Variants in NPAS2 observed in about 807,000 individuals in gnomAD.
NPAS2 encodes neuronal PAS domain protein 2, also known as neuronal PAS domain-containing protein 2.
NPAS2 carries 23 observed loss-of-function variants against 107.5 expected under a neutral mutation model. The ratio of observed to expected loss-of-function variants is 0.21; its 90% CI spans 0.15 to 0.30. The LOEUF (loss-of-function observed/expected upper bound fraction) is 0.30. NPAS2 is among the 10% of genes least tolerant of loss of function. The probability of loss-of-function intolerance (pLI) is 1.00; values close to 1 mark genes in which losing one functional copy is unlikely to be tolerated. For synonymous variants in NPAS2, 403 were observed against 417.5 expected (o/e 0.97, Z 0.42); for missense variants, 756 against 1,043.3 (o/e 0.72, Z 3.79).
chr2:100,966,260 G>A (rs781732619), intron 10 of NPAS2, among the ~76,000 whole-genome samples: 3 of 152,060 alleles, frequency 2.0e-5, no homozygotes, highest in Non-Finnish European at 2.9e-5. Context: ...GGATGTGGTC[G>A]GTGCATTGAA....
intron 1 of NPAS2, among the ~76,000 whole-genome samples, chr2:100,875,814 AT>A (rs555398356): frequency 6.8e-4 from 103 of 152,288 alleles, no homozygotes; most frequent in South Asian, 1.2e-3. Flanking sequence ...TCCCAGGGTT[AT>A]TTTTCCCTTG....
intron 2 of NPAS2, among the ~76,000 whole-genome samples, chr2:100,921,423 C>T (rs1423729539): frequency 1.3e-5 from 2 of 152,136 alleles, no homozygotes; most frequent in Admixed American, 1.3e-4. Flanking sequence ...CCCAAGATGC[C>T]CGATGATGGA....
At chr2:100,836,969 A>G (rs1677109595) in intron 1 of NPAS2, among the ~76,000 whole-genome samples, 1 of 152,230 alleles carries the variant, frequency 6.6e-6, no homozygotes, top group African/African-American at 2.4e-5. Flanking sequence ...ACTAAAACCA[A>G]GAATACCTTT....
intron 16 of NPAS2, 29 bp downstream of exon 16, chr2:100,982,406 C>T (rs772258842): frequency 6.2e-7 from 1 of 1,610,638 alleles, no homozygotes. Flanking sequence ...TGGCCTCTGT[C>T]CCTGCTGCTG....
intron 1 of NPAS2, among the ~76,000 whole-genome samples, chr2:100,834,513 C>T (rs1022236193): frequency 1.3e-5 from 2 of 152,108 alleles, no homozygotes; most frequent in African/African-American, 4.8e-5. Context: ...AGACTGAACG[C>T]ACAGAGCTCA....
rs143298603 is a variant in NPAS2, at chr2:100,960,360, C to T, written c.599-3698C>T. ...GGTGGATCACCTGAGGTCAGGAGTT[C>T]GAGACCAGCCTTGCCAACATGGTGA... On this transcript the variant is annotated intron_variant, in intron 7 of 20. Transcript: ENST00000335681. Among the ~76,000 whole-genome samples the T allele has an allele frequency of 1.4e-4, 21 of 151,914 alleles. No individual in the cohort carries two copies. The East Asian group carries it at 3.3e-3, about 24-fold the overall frequency.
chr2:100,873,307 TACACACACACACACACAC>T (rs368306404), intron 1 of NPAS2, among the ~76,000 whole-genome samples: 9 of 41,898 alleles, frequency 2.1e-4, no homozygotes, highest in African/African-American at 7.1e-4. Flanking sequence ...TATATATATA[TACACACACACACACACAC>T]ACACACACAC....
At chr2:100,967,572 AACC>A (rs1676299662) in intron 10 of NPAS2, among the ~76,000 whole-genome samples, 1 of 152,108 alleles carries the variant, frequency 6.6e-6, no homozygotes, top group African/African-American at 2.4e-5. Context: ...GATTTCTCTT[AACC>A]ATTTACCTAA....
At chr2:100,899,220 CT>C (rs1321582095) in intron 1 of NPAS2, among the ~76,000 whole-genome samples, 6 of 147,780 alleles carry the variant, frequency 4.1e-5, no homozygotes, top group African/African-American at 1.5e-4. Context: ...AAATTATGGA[CT>C]TCTTTTTTTT....
In NPAS2 at chr2:100,820,147, A is replaced by C. The variant is rs1211467938; in HGVS notation, c.-290A>C. The C allele has an allele frequency of 6.6e-6, 1 of 150,726 alleles. No homozygotes were observed. The highest frequency in any genetic ancestry group is 6.6e-5 in the Admixed American group (1 of 15,200). The allele number at this position is 150,726 out of a possible 1,614,324, so 9.3% of individuals were successfully genotyped here. On this transcript the variant is annotated 5_prime_UTR_variant, in exon 1 of 21. Transcript: ENST00000335681. This position sits in a 1 kb window ranked among gnomAD's most constrained non-coding sequence, Gnocchi z 5.6. Reference sequence around the variant, plus strand: ...CTCTCCCCGCCGGCTCTGCGTGCGGAAGAGTTTGCCGCGCGAGCAGCCGGC... The same window carrying C: ...CTCTCCCCGCCGGCTCTGCGTGCGGCAGAGTTTGCCGCGCGAGCAGCCGGC...
In NPAS2 at chr2:100,840,975, G is replaced by C. The variant is rs148771791; in HGVS notation, c.-23+20561G>C. On this transcript the variant is annotated intron_variant, in intron 1 of 20. Coordinates refer to ENST00000335681, the MANE Select transcript of NPAS2 (RefSeq NM_002518.4). ...CACTTCTGATTGGCTGTGCAACTTA[G>C]GAAAGTGGCTTCAGTCCAGGGTCTC... Among the ~76,000 whole-genome samples, 278 of 152,216 alleles carry C rather than the reference G, an allele frequency of 1.8e-3. 4 individuals are homozygous for C. Among genetic ancestry groups the C allele is most frequent in the African/African-American group, 6.4e-3 (264 of 41,522 alleles).
At chr2:100,979,561 T>C (rs1405257947) in intron 15 of NPAS2, among the ~76,000 whole-genome samples, 3 of 138,180 alleles carry the variant, frequency 2.2e-5, no homozygotes, top group South Asian at 4.8e-4. Context: ...TTGCCCAGGC[T>C]GGAGTGCAAT....
intron 1 of NPAS2, among the ~76,000 whole-genome samples, chr2:100,828,995 C>T (rs769674546): frequency 9.2e-5 from 14 of 152,136 alleles, no homozygotes; most frequent in Non-Finnish European, 1.6e-4. Flanking sequence ...GCAGTATGAG[C>T]ATTTTAATAA....
chr2:100,981,639 G>GT (rs1558937604), intron 15 of NPAS2, among the ~76,000 whole-genome samples: 1 of 152,058 alleles, frequency 6.6e-6, no homozygotes, highest in Non-Finnish European at 1.5e-5. Flanking sequence ...TGTTTTGTTC[G>GT]TTTTTTGCAC....
At chr2:100,860,996 C>T in intron 1 of NPAS2, among the ~76,000 whole-genome samples, 1 of 151,916 alleles carries the variant, frequency 6.6e-6, no homozygotes, top group South Asian at 2.1e-4. Context: ...ATCCTCTCAC[C>T]TCAGATTCCC....
chr2:100,871,151 G>A (rs765473411), intron 1 of NPAS2, among the ~76,000 whole-genome samples: 36 of 152,052 alleles, frequency 2.4e-4, no homozygotes, highest in Non-Finnish European at 4.9e-4. Flanking sequence ...GCTTATTTTT[G>A]TAAATAAAGT....
At chr2:100,907,489 AACACACACACACAC>A (rs55951417) in intron 2 of NPAS2, among the ~76,000 whole-genome samples, 10 of 144,678 alleles carry the variant, frequency 6.9e-5, no homozygotes, top group African/African-American at 2.3e-4. Flanking sequence ...AACACTTGGG[AACACACACACACAC>A]ACACACACAC....
intron 1 of NPAS2, among the ~76,000 whole-genome samples, chr2:100,890,062 G>A (rs1680952450): frequency 3.9e-5 from 6 of 152,112 alleles, no homozygotes; most frequent in Admixed American, 3.9e-4. Flanking sequence ...CTGGTTCATT[G>A]GGAGTGAAAT....
At chr2:100,914,748 T>C (rs1264684163) in intron 2 of NPAS2, among the ~76,000 whole-genome samples, 1 of 152,212 alleles carries the variant, frequency 6.6e-6, no homozygotes, top group Non-Finnish European at 1.5e-5. Context: ...TATGAAAAGA[T>C]ATATGAGAGT....
Sources: allele counts gnomAD v4.1 joint callset (sites outside exome capture counted in the v4.1 genomes callset), GRCh38; gene constraint gnomAD v4.1.1; non-coding constraint Gnocchi (gnomAD v3.1); transcripts MANE v1.5; gene names NCBI Gene and HGNC (gene_info 2026-07-23, HGNC 2026-07-21).